CCDC61: variants seen among roughly 807,000 people sequenced by gnomAD.
CCDC61 encodes the protein coiled-coil domain containing 61, also known as centrosomal protein CCDC61.
Under a neutral mutation model 63.0 loss-of-function variants are expected in CCDC61, and 55 were observed. The ratio of observed to expected loss-of-function variants is 0.87; its 90% CI spans 0.70 to 1.09. CCDC61 has a LOEUF of 1.09. Among genes scored for constraint, CCDC61 ranks in the 50% least tolerant of loss-of-function variants. The probability of loss-of-function intolerance (pLI) is 0.00; values close to 1 mark genes in which losing one functional copy is unlikely to be tolerated. For missense variants in CCDC61, 651 were observed against 731.4 expected (o/e 0.89, Z 1.27); for synonymous variants, 270 against 317.0 (o/e 0.85, Z 1.58).
chr19:46,002,602 A>T (rs1239229152), intron 1 of CCDC61, among the ~76,000 whole-genome samples: 4 of 151,752 alleles, frequency 2.6e-5, no homozygotes, highest in African/African-American at 9.7e-5. Flanking sequence ...TTTTTAGTAG[A>T]GGTGGGGTTT....
In CCDC61 at chr19:46,018,252, G is replaced by GC; in HGVS notation, c.1442-34dup. On this transcript the variant is annotated intron_variant, in intron 13 of 13. Coordinates refer to ENST00000595358, the MANE Select transcript of CCDC61 (RefSeq NM_001267723.2). The surrounding 1 kb of genome is among the most constrained non-coding windows in gnomAD (Gnocchi z 4.2). Reference sequence around the variant, plus strand: ...GCCCAGGAACTCCCTGGGGCTTCAGGCCCCTCACAGCCCCCATACCCACAC... The same window carrying GC: ...GCCCAGGAACTCCCTGGGGCTTCAGGCCCCCTCACAGCCCCCATACCCACAC... 1 of 1,549,038 alleles carries GC rather than the reference G, an allele frequency of 6.5e-7. No individual in the cohort carries two copies. The highest frequency in any genetic ancestry group is 2.4e-5 in the East Asian group (1 of 41,052).
At chr19:46,017,351 T>A in intron 12 of CCDC61, 47 bp downstream of exon 12, 1 of 1,502,836 alleles carries the variant, frequency 6.7e-7, no homozygotes, top group Non-Finnish European at 9.0e-7. Context: ...GCTGCCCCCA[T>A]TTCCTGTGAT....
chr19:46,015,959 G>A lies in CCDC61; in HGVS notation c.846-95G>A. On this transcript the variant is annotated intron_variant, in intron 7 of 13. Coordinates refer to ENST00000595358, the MANE Select transcript of CCDC61 (RefSeq NM_001267723.2). The surrounding 1 kb of genome is among the most constrained non-coding windows in gnomAD (Gnocchi z 5.3). Reference sequence around the variant, plus strand: ...GCACGTCTAGGAGTTGATGGGGTAGGCCTGAGGGTTCGGAGAAGGTGCGGT... The same window carrying A: ...GCACGTCTAGGAGTTGATGGGGTAGACCTGAGGGTTCGGAGAAGGTGCGGT... 9.2e-7 allele frequency: 1 copy of A among 1,083,320 alleles called. No homozygotes were observed. Among genetic ancestry groups the A allele is most frequent in the South Asian group, 4.7e-5 (1 of 21,282 alleles). The allele number at this position is 1,083,320 out of a possible 1,614,324, so 67.1% of individuals were successfully genotyped here. A position where few individuals can be genotyped will look rare whatever the true frequency, so the allele number is the denominator to read the frequency against.
chr19:46,000,087 G>T, intron 1 of CCDC61: 1 of 984,554 alleles, frequency 1.0e-6, no homozygotes, highest in Non-Finnish European at 1.2e-6. Flanking sequence ...GGCGGGAGGG[G>T]AGAGGGGGCT....
chr19:46,015,219 C>T lies in CCDC61; in HGVS notation c.722C>T (p.Ala241Val), dbSNP rs1183478868. 8.3e-6 allele frequency: 11 copies of T among 1,329,784 alleles called. No homozygotes were observed. The highest frequency in any genetic ancestry group is 1.1e-5 in the Non-Finnish European group (11 of 1,045,726). 82.4% of individuals were successfully genotyped at this position (1,329,784 alleles called of 1,614,324 possible). A position where few individuals can be genotyped will look rare whatever the true frequency, so the allele number is the denominator to read the frequency against. Residue 241 changes from alanine to valine, a missense_variant, in exon 6 of 14, where the codon GCC becomes GTC. Physicochemically the swap from Ala to Val is moderately conservative, Grantham distance 64. Coordinates refer to ENST00000595358, the MANE Select transcript of CCDC61 (RefSeq NM_001267723.2). The surrounding 1 kb of genome is among the most constrained non-coding windows in gnomAD (Gnocchi z 5.3). Reference sequence around the variant, plus strand: ...GAGCGCGGCCTCGGGCACAGGGTGGCCGGCCGTCGCGGCCAGGACTGCCGC... The same window carrying T: ...GAGCGCGGCCTCGGGCACAGGGTGGTCGGCCGTCGCGGCCAGGACTGCCGC... ...RQERGLGHRV[A>V]GRRGQDCRRL... is the part of the protein sequence containing the mutation.
chr19:46,004,406 A>G (rs894058477), intron 3 of CCDC61, among the ~76,000 whole-genome samples: 2 of 152,192 alleles, frequency 1.3e-5, no homozygotes, highest in African/African-American at 4.8e-5. Flanking sequence ...TGTCCTCATG[A>G]GGCTGACATT....
In CCDC61 at chr19:46,015,456, GC is replaced by G; in HGVS notation, c.845+30del. 1 of 1,585,270 alleles carries G rather than the reference GC, an allele frequency of 6.3e-7. No individual in the cohort carries two copies. Among genetic ancestry groups the G allele is most frequent in the Non-Finnish European group, 8.5e-7 (1 of 1,172,332 alleles). On this transcript the variant is annotated intron_variant, in intron 7 of 13. Transcript: ENST00000595358. This position sits in a 1 kb window ranked among gnomAD's most constrained non-coding sequence, Gnocchi z 5.3. ...AGAGCGAGGCCTGCCAGGCGCCTGG[GC>G]GGATGGGCGGGCCCTGAGGGTGTGG...
In CCDC61 at chr19:46,016,064, C is replaced by G; in HGVS notation, c.856C>G (p.Pro286Ala). ...LALYKRGRRTPPVQPPPTRED... is the reference protein window; with the variant it reads ...LALYKRGRRTAPVQPPPTRED... The stretch of plus-strand genomic sequence containing the variant: ...CCTCTGTGGTCTCAGGAGGCGGACT[C>G]CGCCGGTGCAGCCGCCCCCGACGCG... The change falls in exon 8 of 14, where the codon CCG (proline) becomes GCG (alanine). Residue 286 changes from proline (P) to alanine (A), a missense_variant. Transcript: ENST00000595358. The surrounding 1 kb of genome is among the most constrained non-coding windows in gnomAD (Gnocchi z 7.2). The G allele has an allele frequency of 4.0e-6, 5 of 1,235,374 alleles. No homozygotes were observed. The South Asian group carries it at 1.2e-4, about 30-fold the overall frequency. 76.5% of individuals were successfully genotyped at this position (1,235,374 alleles called of 1,614,324 possible).
In CCDC61 at chr19:46,017,312, G is replaced by A. The variant is rs777446151; in HGVS notation, c.1368+8G>A. The A allele has an allele frequency of 9.1e-5, 141 of 1,557,680 alleles. No individual in the cohort carries two copies. Among genetic ancestry groups the A allele is most frequent in the Non-Finnish European group, 1.1e-4 (131 of 1,150,438 alleles). ...TGGAGTGGGTCCAATATGGTGAGTA[G>A]AAGGGGCAACATAAACCACTGGAAC... On this transcript the variant is annotated splice_region_variant and intron_variant, in intron 12 of 13. Coordinates refer to ENST00000595358, the MANE Select transcript of CCDC61 (RefSeq NM_001267723.2).
At chr19:45,999,535 G>C (rs528779766) in intron 1 of CCDC61, among the ~76,000 whole-genome samples, 3 of 152,162 alleles carry the variant, frequency 2.0e-5, no homozygotes, top group Non-Finnish European at 4.4e-5. Context: ...GCCATCAGGT[G>C]TGGGCTGCCA....
intron 5 of CCDC61, among the ~76,000 whole-genome samples, chr19:46,012,377 G>A (rs560305005): frequency 1.8e-4 from 27 of 152,360 alleles, no homozygotes; most frequent in African/African-American, 6.3e-4. Flanking sequence ...TGGGCTCAGT[G>A]GCTCACGCCT....
chr19:46,011,257 C>G (rs1418418667), intron 5 of CCDC61, among the ~76,000 whole-genome samples: 2 of 152,076 alleles, frequency 1.3e-5, no homozygotes, highest in African/African-American at 4.8e-5. Flanking sequence ...CCTGTGTTGC[C>G]CAGGCTGATC....
At chr19:46,000,869 G>T (rs1161558605) in intron 1 of CCDC61, among the ~76,000 whole-genome samples, 2 of 151,512 alleles carry the variant, frequency 1.3e-5, no homozygotes, top group Non-Finnish European at 1.5e-5. Context: ...GCTGCTCTTC[G>T]CGGGGTGGGT....
intron 1 of CCDC61, among the ~76,000 whole-genome samples, chr19:45,997,265 C>T (rs907637795): frequency 1.3e-5 from 2 of 152,184 alleles, no homozygotes; most frequent in African/African-American, 2.4e-5. Flanking sequence ...TTCAGGTCTC[C>T]GCTCAGACGT....
rs79180524 is a variant in CCDC61 at position 46,008,285 on chromosome 19, T to C, written c.535T>C (p.Trp179Arg). 261 of 1,329,268 alleles carry C rather than the reference T, an allele frequency of 2.0e-4. 1 individual carries two copies. In the African/African-American group the frequency reaches 3.9e-3, roughly 20 times the overall value. 82.3% of individuals were successfully genotyped at this position (1,329,268 alleles called of 1,614,324 possible). ...TCGGGACACCCGGGAGAATGAGATC[T>C]GGCATCTGCGGGAGCAGTGAGTCTT... ...NTRDTRENEI[W>R]HLREQVSRLA... Residue 179 changes from tryptophan to arginine, a missense_variant, in exon 5 of 14, where the codon TGG becomes CGG. By Grantham distance (101) the Trp-to-Arg change is moderately radical. Coordinates refer to ENST00000595358, the MANE Select transcript of CCDC61 (RefSeq NM_001267723.2).
chr19:46,004,601 A>G (rs914916151), intron 3 of CCDC61, among the ~76,000 whole-genome samples: 1 of 152,078 alleles, frequency 6.6e-6, no homozygotes, highest in African/African-American at 2.4e-5. Context: ...AGTAGCTGGG[A>G]CTACAGGCGT....
At chr19:45,995,631 G>T in intron 1 of CCDC61, 127 bp downstream of exon 1, 1 of 364,574 alleles carries the variant, frequency 2.7e-6, no homozygotes, top group Non-Finnish European at 5.5e-6. Flanking sequence ...GAATCGGGAG[G>T]GAGGGTGCCC....
At chr19:46,008,581 G>A (rs1415475536) in intron 5 of CCDC61, among the ~76,000 whole-genome samples, 2 of 152,108 alleles carry the variant, frequency 1.3e-5, no homozygotes, top group East Asian at 3.9e-4. Flanking sequence ...GCTAATTTTT[G>A]TATTTTTAGT....
Position 46,015,221 on chromosome 19 carries a change from G to A in CCDC61, c.724G>A (p.Gly242Ser). The A allele has an allele frequency of 7.5e-7, 1 of 1,329,428 alleles. No individual in the cohort carries two copies. Among genetic ancestry groups the A allele is most frequent in the Non-Finnish European group, 9.6e-7 (1 of 1,045,450 alleles). 82.4% of individuals were successfully genotyped at this position (1,329,428 alleles called of 1,614,324 possible). Reference protein sequence around the residue: ...QERGLGHRVAGRRGQDCRRLA... With the variant: ...QERGLGHRVASRRGQDCRRLA... Reference sequence around the variant, plus strand: ...GCGCGGCCTCGGGCACAGGGTGGCCGGCCGTCGCGGCCAGGACTGCCGCCG... The same window carrying A: ...GCGCGGCCTCGGGCACAGGGTGGCCAGCCGTCGCGGCCAGGACTGCCGCCG... The change falls in exon 6 of 14, where the codon GGC (glycine) becomes AGC (serine). Residue 242 changes from glycine (G) to serine (S), a missense_variant. By Grantham distance (56) the Gly-to-Ser change is moderately conservative. Transcript: ENST00000595358. This position sits in a 1 kb window ranked among gnomAD's most constrained non-coding sequence, Gnocchi z 5.3.
Sources: gnomAD v4.1 joint callset for allele counts (sites outside exome capture counted in the v4.1 genomes callset) on GRCh38, gnomAD v4.1.1 for gene constraint, Gnocchi (gnomAD v3.1) non-coding constraint, MANE v1.5 for transcripts, NCBI Gene and HGNC (gene_info 2026-07-23, HGNC 2026-07-21) for gene names.